STXBP5L: variants seen among roughly 807,000 people sequenced by gnomAD.
STXBP5L encodes the protein syntaxin-binding protein 5-like.
In STXBP5L, 65 loss-of-function variants were observed where a neutral mutation model predicts 144.5. The observed-to-expected ratio is 0.45, with a 90% CI of 0.37 to 0.55. The LOEUF (loss-of-function observed/expected upper bound fraction) is 0.55. STXBP5L is among the 20% of genes least tolerant of loss of function. The pLI, the probability that STXBP5L is intolerant of heterozygous loss-of-function variation, is 0.00. For synonymous variants in STXBP5L, 505 were observed against 469.6 expected (o/e 1.08, Z -0.97); for missense variants, 1,298 against 1,405.5 (o/e 0.92, Z 1.22).
chr3:121,334,918 C>A (rs1262808735), intron 20 of STXBP5L, among the ~76,000 whole-genome samples: 1 of 152,158 alleles, frequency 6.6e-6, no homozygotes, highest in African/African-American at 2.4e-5. Flanking sequence ...GCTCACCCAC[C>A]ACTCCTATTT....
At chr3:121,376,635 G>T (rs567591686) in intron 20 of STXBP5L, among the ~76,000 whole-genome samples, 7 of 152,118 alleles carry the variant, frequency 4.6e-5, no homozygotes, top group Non-Finnish European at 8.8e-5. Context: ...GGTTACTATA[G>T]CCTTGTGGTA....
At chr3:121,386,157 C>T (rs2046421612) in intron 22 of STXBP5L, among the ~76,000 whole-genome samples, 1 of 151,960 alleles carries the variant, frequency 6.6e-6, no homozygotes, top group Non-Finnish European at 1.5e-5. Context: ...TTTGACTGAA[C>T]AAGAATAATA....
intron 3 of STXBP5L, among the ~76,000 whole-genome samples, chr3:120,975,250 G>T (rs1940820888): frequency 6.6e-6 from 1 of 152,104 alleles, no homozygotes; most frequent in African/African-American, 2.4e-5. Flanking sequence ...CCTTGAAGAG[G>T]TCCTTCACGT....
intron 9 of STXBP5L, among the ~76,000 whole-genome samples, chr3:121,173,536 A>G (rs2046815953): frequency 6.6e-6 from 1 of 151,978 alleles, no homozygotes; most frequent in African/African-American, 2.4e-5. Context: ...TCTATGTATA[A>G]GTTTTGACTC....
At position 121,419,242 on chromosome 3, in the gene STXBP5L, G is replaced by T; in HGVS notation, c.*145G>T. The stretch of plus-strand genomic sequence containing the variant: ...AATCTGAAATTTTCATAAAAGAGAT[G>T]TATCAGAGACACTGTGCAACCCAAA... On this transcript the variant is annotated 3_prime_UTR_variant, in exon 27 of 27. Transcript: ENST00000471454. 1.2e-6 allele frequency: 1 copy of T among 825,932 alleles called. No individual in the cohort carries two copies. Among genetic ancestry groups the T allele is most frequent in the South Asian group, 2.0e-5 (1 of 50,818 alleles). The allele number at this position is 825,932 out of a possible 1,614,324, so 51.2% of individuals were successfully genotyped here. A position where few individuals can be genotyped will look rare whatever the true frequency, so the allele number is the denominator to read the frequency against.
At chr3:121,321,338 A>T (rs1220966520) in intron 20 of STXBP5L, among the ~76,000 whole-genome samples, 3 of 152,242 alleles carry the variant, frequency 2.0e-5, no homozygotes, top group African/African-American at 7.2e-5. Context: ...GGAGTTTACT[A>T]CTTAAGAATA....
intron 22 of STXBP5L, among the ~76,000 whole-genome samples, chr3:121,390,264 T>C (rs1232730923): frequency 6.6e-6 from 1 of 152,196 alleles, no homozygotes; most frequent in Non-Finnish European, 1.5e-5. Flanking sequence ...ATCCCTTTAC[T>C]TTGAGCCTAT....
intron 3 of STXBP5L, among the ~76,000 whole-genome samples, chr3:120,965,118 T>G (rs1475031410): frequency 6.6e-6 from 1 of 152,314 alleles, no homozygotes. Flanking sequence ...GCTTGTTTGT[T>G]TTCCATTTGC....
chr3:120,987,567 G>A (rs1255447481), intron 3 of STXBP5L, among the ~76,000 whole-genome samples: 1 of 151,530 alleles, frequency 6.6e-6, no homozygotes, highest in African/African-American at 2.4e-5. Flanking sequence ...TTCTTAACTT[G>A]TATTTTCACC....
intron 6 of STXBP5L, among the ~76,000 whole-genome samples, chr3:121,118,529 A>C (rs1031492499): frequency 1.3e-5 from 2 of 151,662 alleles, no homozygotes; most frequent in African/African-American, 4.8e-5. Context: ...GTTTTATAAC[A>C]TGAAAGGTCT....
chr3:121,076,262 G>A (rs1196935765), intron 5 of STXBP5L, among the ~76,000 whole-genome samples: 3 of 152,162 alleles, frequency 2.0e-5, no homozygotes, highest in South Asian at 2.1e-4. Flanking sequence ...TCTCTGCATG[G>A]TGTTGCTTTC....
intron 19 of STXBP5L, among the ~76,000 whole-genome samples, chr3:121,315,727 C>T (rs377345231): frequency 9.9e-5 from 15 of 152,070 alleles, no homozygotes; most frequent in Middle Eastern, 3.4e-3. Flanking sequence ...AGGGGCCAGG[C>T]GTGATGGCTC....
chr3:121,293,761 T>A (rs2051539024), intron 19 of STXBP5L, among the ~76,000 whole-genome samples: 1 of 152,218 alleles, frequency 6.6e-6, no homozygotes, highest in South Asian at 2.1e-4. Context: ...CTTGGGAGAC[T>A]GAGGCGGGAG....
At chr3:121,357,490 G>A (rs936678549) in intron 20 of STXBP5L, 1 of 152,404 alleles carries the variant, frequency 6.6e-6, no homozygotes, top group East Asian at 1.9e-4. Flanking sequence ...AGTATGCCAT[G>A]GGACAGCAAG....
chr3:121,136,967 T>G (rs1333669611), intron 7 of STXBP5L, among the ~76,000 whole-genome samples: 2 of 152,028 alleles, frequency 1.3e-5, no homozygotes, highest in African/African-American at 4.8e-5. Flanking sequence ...CTAACCAAAT[T>G]AACACAGGAA....
intron 3 of STXBP5L, among the ~76,000 whole-genome samples, chr3:121,015,048 G>A (rs575415712): frequency 6.6e-6 from 1 of 152,214 alleles, no homozygotes; most frequent in Admixed American, 6.5e-5. Context: ...GATCATGTTT[G>A]TGTGTTGAAT....
chr3:121,145,182 A>C (rs2045667567), intron 7 of STXBP5L, among the ~76,000 whole-genome samples: 1 of 151,872 alleles, frequency 6.6e-6, no homozygotes, highest in Admixed American at 6.6e-5. Context: ...TACTACAATA[A>C]AATAAAATAT....
intron 5 of STXBP5L, among the ~76,000 whole-genome samples, chr3:121,055,237 G>A (rs188314652): frequency 3.1e-4 from 47 of 152,116 alleles, no homozygotes; most frequent in Non-Finnish European, 5.4e-4. Flanking sequence ...ATTATCTATC[G>A]AAGTATGGTG....
At chr3:120,953,823 A>T (rs192424754) in intron 2 of STXBP5L, among the ~76,000 whole-genome samples, 1 of 151,978 alleles carries the variant, frequency 6.6e-6, no homozygotes, top group African/African-American at 2.4e-5. Flanking sequence ...ATTGCTCTGG[A>T]TGGGATAGAA....
Sources: gnomAD v4.1 joint callset for allele counts (sites outside exome capture counted in the v4.1 genomes callset) on GRCh38, gnomAD v4.1.1 for gene constraint, MANE v1.5 for transcripts, NCBI Gene and HGNC (gene_info 2026-07-23, HGNC 2026-07-21) for gene names.